MPHOSPH9: variants seen among roughly 807,000 people sequenced by gnomAD.
MPHOSPH9 encodes M-phase phosphoprotein 9.
A neutral mutation model predicts 145.5 loss-of-function variants in MPHOSPH9; 88 were observed. The observed-to-expected ratio is 0.60, with a 90% CI of 0.51 to 0.72. The LOEUF is 0.72. Ranked by LOEUF, MPHOSPH9 falls within the 30% of genes least tolerant of loss-of-function variation. MPHOSPH9 has a pLI of 0.00. For synonymous variants in MPHOSPH9, 435 were observed against 486.2 expected, an observed-to-expected ratio of 0.89 and a Z score of 1.39; for missense variants, 1,238 against 1,386.6, an observed-to-expected ratio of 0.89 and a Z score of 1.70.
intron 13 of MPHOSPH9, among the ~76,000 whole-genome samples, chr12:123,185,203 T>C (rs1472845730): frequency 6.6e-6 from 1 of 151,268 alleles, no homozygotes. Context: ...TAACTCAGAA[T>C]AATGAAAACT....
chr12:123,158,789 C>T (rs1055956242), intron 23 of MPHOSPH9, among the ~76,000 whole-genome samples: 6 of 152,138 alleles, frequency 3.9e-5, no homozygotes, highest in African/African-American at 1.2e-4. Context: ...CCACCACAAC[C>T]GGCTAATTTT....
At chr12:123,199,637 C>CA (rs2138321474) in intron 11 of MPHOSPH9, among the ~76,000 whole-genome samples, 1 of 151,742 alleles carries the variant, frequency 6.6e-6, no homozygotes, top group Non-Finnish European at 1.5e-5. Context: ...TACTAAAATA[C>CA]AAAAAATTAG....
intron 20 of MPHOSPH9, 35 bp downstream of exon 20, chr12:123,162,979 T>A (rs775509265): frequency 1.3e-6 from 2 of 1,519,434 alleles, no homozygotes; most frequent in Middle Eastern, 3.5e-4. Flanking sequence ...ATCACTAATA[T>A]AGTAAACTTT....
At chr12:123,234,222 T>C (rs528352728), upstream of MPHOSPH9, among the ~76,000 whole-genome samples, 86 of 152,298 alleles carry the variant, frequency 5.6e-4, no homozygotes, top group African/African-American at 2.0e-3. Flanking sequence ...CTACTCGATT[T>C]ACCTCCAGGA....
chr12:123,166,462 G>T, intron 17 of MPHOSPH9, 193 bp downstream of exon 17: 1 of 669,240 alleles, frequency 1.5e-6, no homozygotes, highest in East Asian at 2.7e-5. Context: ...GAGCACAGGT[G>T]GGGAAGCTTG....
rs78313406 is a variant in MPHOSPH9, at chr12:123,184,374, C to T, written c.2242-3164G>A. Among the ~76,000 whole-genome samples the T allele has an allele frequency of 8.8e-3, 1,343 of 152,100 alleles. 17 individuals are homozygous for T. The highest frequency in any genetic ancestry group is 0.03 in the African/African-American group (1,231 of 41,480). ...TTCTAAACATTCACATCTGGAGGTC[C>T]CCTAACAAAATGGCTGGTGCATGAC... is the stretch of plus-strand genomic sequence containing the variant. On this transcript the variant is annotated intron_variant, in intron 13 of 23. Transcript: ENST00000606320.
At chr12:123,230,786 C>T (rs2047608258) in intron 1 of MPHOSPH9, among the ~76,000 whole-genome samples, 1 of 152,114 alleles carries the variant, frequency 6.6e-6, no homozygotes, top group Admixed American at 6.6e-5. Flanking sequence ...ACTGAAGATA[C>T]TATGCTAAGT....
rs1374144467 is a variant in MPHOSPH9 at position 123,179,952 on chromosome 12, T to C, written c.2328A>G (p.Ala776=). Residue 776 remains alanine (A), a synonymous_variant, in exon 15 of 24, where the codon GCA becomes GCG. Transcript: ENST00000606320. ...TTTTCAAATCAGAAATCTGAGTATA[T>C]GCATCAAGCAATTTGTTCTCAGTTG... ...LNTTENKLLD[A]YTQISDLKRM... 1.4e-6 allele frequency: 2 copies of C among 1,459,716 alleles called. No homozygotes were observed. Among genetic ancestry groups the C allele is most frequent in the Non-Finnish European group, 1.9e-6 (2 of 1,080,456 alleles). The allele number at this position is 1,459,716 out of a possible 1,614,324, so 90.4% of individuals were successfully genotyped here.
At chr12:123,181,703 C>A (rs1037898240) in intron 13 of MPHOSPH9, among the ~76,000 whole-genome samples, 2 of 151,926 alleles carry the variant, frequency 1.3e-5, no homozygotes, top group Non-Finnish European at 2.9e-5. Context: ...TGTACTCTAA[C>A]CTGGGGGACA....
intron 12 of MPHOSPH9, among the ~76,000 whole-genome samples, chr12:123,198,027 T>G (rs2046049461): frequency 6.7e-6 from 1 of 148,246 alleles, no homozygotes; most frequent in Admixed American, 6.8e-5. Context: ...GAGCTTGCAG[T>G]GAGCCAAGAC....
At chr12:123,236,842 G>A (rs1593270872), upstream of MPHOSPH9, among the ~76,000 whole-genome samples, 1 of 152,034 alleles carries the variant, frequency 6.6e-6, no homozygotes, top group African/African-American at 2.4e-5. Flanking sequence ...TCAGCACTTT[G>A]AGAGGCCGAG....
intron 11 of MPHOSPH9, among the ~76,000 whole-genome samples, chr12:123,200,613 C>G (rs906502361): frequency 2.0e-5 from 3 of 150,724 alleles, no homozygotes; most frequent in Admixed American, 6.6e-5. Flanking sequence ...TTCTTTCATA[C>G]TTGTTTTCCT....
At chr12:123,163,884 G>A in intron 19 of MPHOSPH9, 66 bp downstream of exon 19, 2 of 1,590,168 alleles carry the variant, frequency 1.3e-6, no homozygotes, top group Non-Finnish European at 1.7e-6. Flanking sequence ...CAAGCAGCGG[G>A]CACAAATAGA....
At chr12:123,175,672 A>T (rs1156702910) in intron 16 of MPHOSPH9, among the ~76,000 whole-genome samples, 1 of 24,462 alleles carries the variant, frequency 4.1e-5, no homozygotes, top group Non-Finnish European at 8.4e-5. Flanking sequence ...CCCATCCCTC[A>T]CCCCACACCT....
chr12:123,173,228 A>C (rs2044672907), intron 16 of MPHOSPH9, among the ~76,000 whole-genome samples: 1 of 152,134 alleles, frequency 6.6e-6, no homozygotes, highest in Admixed American at 6.5e-5. Flanking sequence ...CACTCTATCC[A>C]GACTGTTCAC....
rs375172540 is a variant in MPHOSPH9, at chr12:123,221,546, G to A, written c.698C>T (p.Ala233Val). 25 of 1,614,132 alleles carry A rather than the reference G, an allele frequency of 1.5e-5. No homozygotes were observed. The East Asian group carries it at 3.8e-4, about 24-fold the overall frequency. Residue 233 changes from alanine to valine, a missense_variant, in exon 5 of 24, where the codon GCG becomes GTG. By Grantham distance (64) the Ala-to-Val change is moderately conservative (BLOSUM62 0). Transcript: ENST00000606320. ...DVPKGQYVAP[A>V]VPAESLVDGV... ...ATCTACAAGTGACTCAGCCGGCACCGCAGGTGCTACATACTGTCCTTTGGG... is the reference window on the plus strand; with the variant it reads ...ATCTACAAGTGACTCAGCCGGCACCACAGGTGCTACATACTGTCCTTTGGG...
Position 123,171,879 on chromosome 12 carries a change from TA to T in MPHOSPH9, c.2456+4808del, listed in dbSNP as rs1398526771. On this transcript the variant is annotated intron_variant, in intron 16 of 23. Transcript: ENST00000606320. ...GGTTATATATTCTTTAAATTAAGAG[TA>T]GAACACTATAAAGACAACTAAAGCC... 6.6e-5 allele frequency among the ~76,000 whole-genome samples: 10 copies of T among 152,204 alleles called. No individual in the cohort carries two copies. The East Asian group carries it at 1.9e-3, about 29-fold the overall frequency.
rs1487745077 is a variant in MPHOSPH9 at position 123,210,140 on chromosome 12, C to T, written c.1110G>A (p.Glu370=). 2 of 1,604,058 alleles carry T rather than the reference C, an allele frequency of 1.2e-6. No homozygotes were observed. The highest frequency in any genetic ancestry group is 1.1e-5 in the South Asian group (1 of 89,474). ...SGTGLTYWKL[E]EKDMHHSLPE... ...GCAAAGAGTGGTGCATATCCTTTTC[C>T]TCTAGTTTCCAGTAAGTCAATCCTG... Residue 370 remains glutamate (E), a synonymous_variant, in exon 8 of 24, where the codon GAG becomes GAA. Coordinates refer to ENST00000606320, the MANE Select transcript of MPHOSPH9 (RefSeq NM_022782.4).
At chr12:123,204,661 G>C (rs2046352572) in intron 8 of MPHOSPH9, among the ~76,000 whole-genome samples, 1 of 152,158 alleles carries the variant, frequency 6.6e-6, no homozygotes, top group Non-Finnish European at 1.5e-5. Flanking sequence ...GATCGCCTGA[G>C]GTCGGGAGTT....
Sources: gnomAD v4.1 joint callset for allele counts (sites outside exome capture counted in the v4.1 genomes callset) on GRCh38, gnomAD v4.1.1 for gene constraint, MANE v1.5 for transcripts, NCBI Gene and HGNC (gene_info 2026-07-23, HGNC 2026-07-21) for gene names.